The following LDLRAD3 variants were observed in gnomAD, a reference collection of about 807,000 sequenced individuals.
The protein encoded by LDLRAD3 is low-density lipoprotein receptor class A domain-containing protein 3.
In LDLRAD3, 20 loss-of-function variants were observed where a neutral mutation model predicts 29.4. That is an observed-to-expected ratio of 0.68 (90% CI 0.48 to 0.99). The LOEUF is 0.99. Among genes scored for constraint, LDLRAD3 ranks in the 50% least tolerant of loss-of-function variants. LDLRAD3 has a pLI of 0.00. For missense variants in LDLRAD3, 420 were observed against 454.3 expected (o/e 0.92, Z 0.69); for synonymous variants, 157 against 192.7 (o/e 0.81, Z 1.53).
intron 1 of LDLRAD3, among the ~76,000 whole-genome samples, chr11:35,948,486 G>T (rs1226136796): frequency 6.6e-6 from 1 of 151,794 alleles, no homozygotes; most frequent in Non-Finnish European, 1.5e-5. Context: ...GCACACATGT[G>T]CATATGTATG....
At chr11:36,053,544 A>G (rs1852559826) in intron 2 of LDLRAD3, among the ~76,000 whole-genome samples, 1 of 152,154 alleles carries the variant, frequency 6.6e-6, no homozygotes, top group African/African-American at 2.4e-5. Flanking sequence ...CAAGAAATAA[A>G]CATAAGGATG....
intron 2 of LDLRAD3, among the ~76,000 whole-genome samples, chr11:36,065,487 GGATTTTCTGATTCCTGTGACT>G (rs1245170269): frequency 6.6e-6 from 1 of 152,150 alleles, no homozygotes; most frequent in African/African-American, 2.4e-5. Flanking sequence ...GATAGCCATG[GGATTTTCTGATTCCTGTGACT>G]GATGTAGAAG....
intron 4 of LDLRAD3, among the ~76,000 whole-genome samples, chr11:36,205,633 C>T (rs2133377607): frequency 6.6e-6 from 1 of 152,324 alleles, no homozygotes; most frequent in African/African-American, 2.4e-5. Flanking sequence ...CAAGATGCCT[C>T]AGAATAGCTC....
chr11:36,046,520 A>G (rs1852452306), intron 2 of LDLRAD3, among the ~76,000 whole-genome samples: 1 of 151,524 alleles, frequency 6.6e-6, no homozygotes, highest in Non-Finnish European at 1.5e-5. Context: ...CTTTGTCCAG[A>G]TTTCTTTTTT....
intron 4 of LDLRAD3, among the ~76,000 whole-genome samples, chr11:36,183,704 G>C (rs928314484): frequency 1.3e-5 from 2 of 152,134 alleles, no homozygotes; most frequent in African/African-American, 4.8e-5. Flanking sequence ...AAGCTCCAAA[G>C]GTGATTCTGC....
chr11:36,183,080 T>C (rs1854787681), intron 4 of LDLRAD3, among the ~76,000 whole-genome samples: 1 of 152,114 alleles, frequency 6.6e-6, no homozygotes, highest in Non-Finnish European at 1.5e-5. Context: ...CTTCTAGTTT[T>C]TGAGTACTTA....
Position 35,980,113 on chromosome 11 carries a change from T to TA in LDLRAD3, c.46+35969_46+35970insA, listed in dbSNP as rs1590702138. 3.3e-5 allele frequency among the ~76,000 whole-genome samples: 5 copies of TA among 152,366 alleles called. No homozygotes were observed. The South Asian group carries it at 1.0e-3, about 32-fold the overall frequency. ...TATAATGTGTTTAGTAGCTCTCTAA[T>TA]GAGTTCATCAGTTTGCATAATGCTG... On this transcript the variant is annotated intron_variant, in intron 1 of 5. Coordinates refer to ENST00000315571, the MANE Select transcript of LDLRAD3 (RefSeq NM_174902.4).
At chr11:36,015,461 CA>C (rs1221792346) in intron 1 of LDLRAD3, among the ~76,000 whole-genome samples, 1 of 151,938 alleles carries the variant, frequency 6.6e-6, no homozygotes, top group African/African-American at 2.4e-5. Context: ...CTGTGCTGTT[CA>C]AAAACATGTT....
At chr11:36,132,809 C>T (rs545095176) in intron 4 of LDLRAD3, among the ~76,000 whole-genome samples, 28 of 152,322 alleles carry the variant, frequency 1.8e-4, no homozygotes, top group African/African-American at 5.5e-4. Context: ...TCATAAGTAA[C>T]GTACTCATGC....
At chr11:36,077,249 C>T (rs964911669) in intron 2 of LDLRAD3, among the ~76,000 whole-genome samples, 4 of 152,154 alleles carry the variant, frequency 2.6e-5, no homozygotes, top group African/African-American at 9.7e-5. Context: ...GGTTTATCCT[C>T]CTGTATTTCT....
At chr11:36,164,319 A>G (rs754854199) in intron 4 of LDLRAD3, among the ~76,000 whole-genome samples, 7 of 152,228 alleles carry the variant, frequency 4.6e-5, no homozygotes, top group African/African-American at 7.2e-5. Flanking sequence ...CTTTATTTAA[A>G]ATTGAACAAG....
intron 2 of LDLRAD3, among the ~76,000 whole-genome samples, chr11:36,046,478 T>C (rs943795739): frequency 2.0e-5 from 3 of 152,208 alleles, no homozygotes; most frequent in Non-Finnish European, 2.9e-5. Context: ...GCCTCCATCA[T>C]CCCATGGTTC....
intron 1 of LDLRAD3, among the ~76,000 whole-genome samples, chr11:36,030,433 GGAGTGTGT>G (rs1428423514): frequency 2.0e-5 from 2 of 97,854 alleles, no homozygotes; most frequent in Admixed American, 2.6e-4. Context: ...GCCTGTGCAT[GGAGTGTGT>G]GTGTGTGTGT....
At chr11:35,948,890 C>T (rs190698045) in intron 1 of LDLRAD3, among the ~76,000 whole-genome samples, 43 of 152,282 alleles carry the variant, frequency 2.8e-4, no homozygotes, top group Admixed American at 2.5e-3. Flanking sequence ...TTGGCTTACT[C>T]TTCACCCACA....
intron 1 of LDLRAD3, among the ~76,000 whole-genome samples, chr11:35,968,939 G>A (rs1385547597): frequency 6.6e-6 from 1 of 152,164 alleles, no homozygotes; most frequent in Non-Finnish European, 1.5e-5. Context: ...ACTGGCAGAT[G>A]GGACTCTGTC....
intron 4 of LDLRAD3, among the ~76,000 whole-genome samples, chr11:36,167,670 T>C (rs893901199): frequency 6.6e-6 from 1 of 152,184 alleles, no homozygotes; most frequent in Non-Finnish European, 1.5e-5. Context: ...AAGGACTCTT[T>C]CCTAGGGCCT....
At chr11:36,188,237 G>A (rs1021522686) in intron 4 of LDLRAD3, among the ~76,000 whole-genome samples, 1 of 151,926 alleles carries the variant, frequency 6.6e-6, no homozygotes, top group Non-Finnish European at 1.5e-5. Flanking sequence ...TAAATGATAT[G>A]ACTACCTACC....
intron 1 of LDLRAD3, chr11:35,997,431 T>A (rs560992707): frequency 2.5e-6 from 1 of 407,060 alleles, no homozygotes; most frequent in East Asian, 6.5e-5. Flanking sequence ...TTGAGGGCTT[T>A]GCAGAAACCC....
chr11:36,191,851 A>T (rs1323563162), intron 4 of LDLRAD3, among the ~76,000 whole-genome samples: 1 of 152,030 alleles, frequency 6.6e-6, no homozygotes, highest in Non-Finnish European at 1.5e-5. Context: ...TCAAGATAAT[A>T]AAAACAGTGA....
Sources: allele counts gnomAD v4.1 joint callset (sites outside exome capture counted in the v4.1 genomes callset), GRCh38; gene constraint gnomAD v4.1.1; transcripts MANE v1.5; gene names NCBI Gene and HGNC (gene_info 2026-07-23, HGNC 2026-07-21).